SLIT3: variants seen among roughly 807,000 people sequenced by gnomAD.
The protein encoded by SLIT3 is slit homolog 3 protein.
SLIT3 carries 68 observed loss-of-function variants against 184.0 expected under a neutral mutation model. The observed-to-expected ratio is 0.37, with a 90% CI of 0.30 to 0.45. SLIT3 has a LOEUF of 0.45. Among genes scored for constraint, SLIT3 ranks in the 20% least tolerant of loss-of-function variants. The pLI, the probability that SLIT3 is intolerant of heterozygous loss-of-function variation, is 1.00. For synonymous variants in SLIT3, 831 were observed against 828.6 expected (o/e 1.00, Z -0.05); for missense variants, 1,707 against 2,026.0 (o/e 0.84, Z 3.02).
intron 5 of SLIT3, among the ~76,000 whole-genome samples, chr5:168,867,497 T>C (rs967222962): frequency 6.6e-6 from 1 of 152,172 alleles, no homozygotes; most frequent in Non-Finnish European, 1.5e-5. Flanking sequence ...TCAGTGAAAA[T>C]GACCAGTGGT....
chr5:168,698,512 C>T (rs1762123489), intron 27 of SLIT3, among the ~76,000 whole-genome samples: 1 of 152,130 alleles, frequency 6.6e-6, no homozygotes, highest in East Asian at 1.9e-4. Flanking sequence ...AGCAAGGACC[C>T]TCCCCTAGAG....
chr5:168,760,785 C>G, intron 16 of SLIT3, 77 bp downstream of exon 16: 1 of 1,074,794 alleles, frequency 9.3e-7, no homozygotes, highest in Non-Finnish European at 1.4e-6. Context: ...GAGGCCGGTC[C>G]CCTGGTTCCT....
chr5:168,774,923 C>T (rs1212753731), intron 12 of SLIT3, among the ~76,000 whole-genome samples: 1 of 152,166 alleles, frequency 6.6e-6, no homozygotes, highest in Non-Finnish European at 1.5e-5. Context: ...GTCATACACA[C>T]ATGTGCACAC....
At chr5:169,074,839 C>G (rs1484318138) in intron 4 of SLIT3, among the ~76,000 whole-genome samples, 1 of 152,180 alleles carries the variant, frequency 6.6e-6, no homozygotes. Flanking sequence ...GAGGGTGGGA[C>G]AAGGCCCCCA....
At chr5:169,030,486 C>T (rs1163774967) in intron 4 of SLIT3, 2 of 152,224 alleles carry the variant, frequency 1.3e-5, no homozygotes, top group Non-Finnish European at 2.9e-5. Context: ...TCCTGATCCG[C>T]AGGCGGAGAT....
At chr5:169,242,288 T>C (rs1007944193) in intron 3 of SLIT3, among the ~76,000 whole-genome samples, 6 of 152,324 alleles carry the variant, frequency 3.9e-5, no homozygotes, top group African/African-American at 1.4e-4. Flanking sequence ...TTTCTAATGT[T>C]CTTCCTGATT....
intron 32 of SLIT3, among the ~76,000 whole-genome samples, chr5:168,676,405 GT>G (rs1404050655): frequency 3.9e-5 from 6 of 152,302 alleles, no homozygotes; most frequent in African/African-American, 1.4e-4. Flanking sequence ...GGAGTGGTGG[GT>G]AAAAGAGTCC....
chr5:168,705,238 G>T (rs1346562909), intron 26 of SLIT3, among the ~76,000 whole-genome samples: 2 of 152,160 alleles, frequency 1.3e-5, no homozygotes, highest in African/African-American at 2.4e-5. Context: ...GAGTCAGTTG[G>T]TTCTGAGCTT....
At chr5:169,036,229 A>G (rs1757241613) in intron 4 of SLIT3, 1 of 152,230 alleles carries the variant, frequency 6.6e-6, no homozygotes. Context: ...GGTTTCCAGC[A>G]GTCCCTGAAG....
At chr5:169,175,774 C>G (rs575800782) in intron 4 of SLIT3, among the ~76,000 whole-genome samples, 1 of 152,336 alleles carries the variant, frequency 6.6e-6, no homozygotes, top group East Asian at 1.9e-4. Flanking sequence ...CACCACCTTT[C>G]TTTCCTTCGC....
intron 9 of SLIT3, among the ~76,000 whole-genome samples, chr5:168,798,220 C>CTTT (rs575178855): frequency 0.23 from 25,269 of 111,042 alleles, 4,209 homozygotes; most frequent in African/African-American, 0.36. Flanking sequence ...TCTTCTTCTT[C>CTTT]TTCTTTTTTT....
intron 9 of SLIT3, among the ~76,000 whole-genome samples, chr5:168,799,574 T>C (rs1403968070): frequency 1.3e-5 from 2 of 152,160 alleles, no homozygotes; most frequent in African/African-American, 2.4e-5. Context: ...ACACAATATA[T>C]TTCTAGCAAT....
chr5:169,028,563 C>T (rs1230559243), intron 4 of SLIT3, among the ~76,000 whole-genome samples: 6 of 152,244 alleles, frequency 3.9e-5, no homozygotes, highest in Non-Finnish European at 7.3e-5. Flanking sequence ...TTAATAAATG[C>T]TATAATCATC....
At chr5:168,986,044 A>G (rs1006355027) in intron 4 of SLIT3, among the ~76,000 whole-genome samples, 18 of 152,352 alleles carry the variant, frequency 1.2e-4, no homozygotes, top group Non-Finnish European at 2.5e-4. Context: ...TGAAACGTCC[A>G]GCCTCACGAA....
At chr5:169,002,322 CAAAAAAAAA>C (rs397999882) in intron 4 of SLIT3, among the ~76,000 whole-genome samples, 41 of 24,178 alleles carry the variant, frequency 1.7e-3, no homozygotes, top group Non-Finnish European at 2.4e-3. Context: ...GACTCTGTCT[CAAAAAAAAA>C]AAAAAAAAAA....
intron 4 of SLIT3, among the ~76,000 whole-genome samples, chr5:168,940,903 G>A (rs768153931): frequency 3.9e-5 from 6 of 152,090 alleles, no homozygotes; most frequent in African/African-American, 7.2e-5. Flanking sequence ...TGGCATGCCC[G>A]TTTCTCCAGA....
intron 4 of SLIT3, among the ~76,000 whole-genome samples, chr5:168,990,465 G>GA (rs1200405370): frequency 1.3e-5 from 2 of 152,024 alleles, no homozygotes; most frequent in African/African-American, 4.8e-5. Flanking sequence ...TACCTTTCAT[G>GA]ACCACCTCAC....
chr5:168,974,115 G>A (rs902211798), intron 4 of SLIT3, among the ~76,000 whole-genome samples: 2 of 152,134 alleles, frequency 1.3e-5, no homozygotes, highest in Non-Finnish European at 2.9e-5. Flanking sequence ...TATTTTCAGA[G>A]TTTGTTCTGA....
chr5:169,021,381 T>C (rs59720950), intron 4 of SLIT3, among the ~76,000 whole-genome samples: 24,191 of 151,964 alleles, frequency 0.16, 2,331 homozygotes, highest in East Asian at 0.51. Context: ...TGGAGTCTCT[T>C]GCTCTGTCAC....
Sources: allele counts gnomAD v4.1 joint callset (sites outside exome capture counted in the v4.1 genomes callset), GRCh38; gene constraint gnomAD v4.1.1; transcripts MANE v1.5; gene names NCBI Gene and HGNC (gene_info 2026-07-23, HGNC 2026-07-21).